The following INVS variants were observed in gnomAD, a reference collection of about 807,000 sequenced individuals.
The protein encoded by INVS is inversion of embryo turning homolog.
Under a neutral mutation model 108.8 loss-of-function variants are expected in INVS, and 86 were observed. That is an observed-to-expected ratio of 0.79 (90% CI 0.66 to 0.95). The LOEUF is 0.95. INVS is among the 40% of genes least tolerant of loss of function. The pLI, the probability that INVS is intolerant of heterozygous loss-of-function variation, is 0.00. For synonymous variants in INVS, 455 were observed against 473.5 expected, an observed-to-expected ratio of 0.96 and a Z score of 0.51; for missense variants, 1,169 against 1,297.4, an observed-to-expected ratio of 0.90 and a Z score of 1.52.
In INVS at chr9:100,100,675, CATATAATATATATATTAT is replaced by C. The variant is rs1564111341; in HGVS notation, c.-25+1264_-25+1281del. ...ATATAATATATATATTATATATGTA[CATATAATATATATATTAT>C]ATATGTACATATAATATATATATTA... On this transcript the variant is annotated intron_variant, in intron 1 of 16. Coordinates refer to ENST00000262457, the MANE Select transcript of INVS (RefSeq NM_014425.5). 5.1e-3 allele frequency among the ~76,000 whole-genome samples: 100 copies of C among 19,534 alleles called. 10 individuals are homozygous for C. Among genetic ancestry groups the C allele is most frequent in the African/African-American group, 0.038 (100 of 2,642 alleles). The allele number at this position is 19,534 out of a possible 152,430, so 12.8% of individuals were successfully genotyped here. A position where few individuals can be genotyped will look rare whatever the true frequency, so the allele number is the denominator to read the frequency against.
At chr9:100,131,653 G>T (rs1828058020) in intron 3 of INVS, among the ~76,000 whole-genome samples, 2 of 152,066 alleles carry the variant, frequency 1.3e-5, no homozygotes, top group Admixed American at 6.6e-5. Flanking sequence ...GGATAAAAAA[G>T]CTTTAGAAAT....
intron 2 of INVS, among the ~76,000 whole-genome samples, chr9:100,118,069 C>CTTTTTTTTTT (rs757283860): frequency 7.2e-6 from 1 of 138,024 alleles, no homozygotes. Context: ...CTTTTTTTTT[C>CTTTTTTTTTT]TTTTTTTTTT....
intron 12 of INVS, among the ~76,000 whole-genome samples, chr9:100,275,467 G>C (rs1833084750): frequency 6.6e-6 from 1 of 152,094 alleles, no homozygotes; most frequent in Non-Finnish European, 1.5e-5. Context: ...ATACTTAAGT[G>C]GTGGAGAAAC....
chr9:100,267,906 T>C (rs1832841355), intron 11 of INVS, among the ~76,000 whole-genome samples: 1 of 152,186 alleles, frequency 6.6e-6, no homozygotes, highest in South Asian at 2.1e-4. Context: ...TATGAAGTGG[T>C]CCTTAGATTT....
intron 3 of INVS, among the ~76,000 whole-genome samples, chr9:100,171,160 A>G (rs995500933): frequency 9.2e-5 from 14 of 152,170 alleles, no homozygotes; most frequent in African/African-American, 3.4e-4. Flanking sequence ...ATTTTGTTTA[A>G]CTTCAGACCA....
At chr9:100,267,399 A>G (rs2118642097) in intron 11 of INVS, among the ~76,000 whole-genome samples, 2 of 152,354 alleles carry the variant, frequency 1.3e-5, no homozygotes, top group South Asian at 4.1e-4. Flanking sequence ...AGAACTTGGC[A>G]CTGCCTTTTA....
chr9:100,126,411 T>C lies in INVS; in HGVS notation c.135T>C (p.Asp45=), dbSNP rs750390592. The change falls in exon 3 of 17, where the codon GAT becomes GAC. Residue 45 remains aspartate, a synonymous_variant. Transcript: ENST00000262457. ...VGNSALKDKE[D]QFGRTPLMYC... Reference sequence around the variant, plus strand: ...ACTCTGCTCTTAAAGACAAAGAAGATCAGTTTGGGAGAACACCACTTATGT... The same window carrying C: ...ACTCTGCTCTTAAAGACAAAGAAGACCAGTTTGGGAGAACACCACTTATGT... 2 of 1,613,970 alleles carry C rather than the reference T, an allele frequency of 1.2e-6. No homozygotes were observed. Among genetic ancestry groups the C allele is most frequent in the Non-Finnish European group, 1.7e-6 (2 of 1,179,936 alleles).
At chr9:100,216,019 C>G (rs924939981) in intron 3 of INVS, among the ~76,000 whole-genome samples, 1 of 152,112 alleles carries the variant, frequency 6.6e-6, no homozygotes, top group Non-Finnish European at 1.5e-5. Flanking sequence ...TCCCAGTGAC[C>G]AGGCAATACA....
At chr9:100,250,984 C>T (rs1205522573) in intron 8 of INVS, among the ~76,000 whole-genome samples, 2 of 152,152 alleles carry the variant, frequency 1.3e-5, no homozygotes, top group Non-Finnish European at 2.9e-5. Context: ...ACTAACTCTT[C>T]CCTTTGCTCA....
At chr9:100,232,115 A>G (rs944682599) in intron 5 of INVS, among the ~76,000 whole-genome samples, 7 of 151,868 alleles carry the variant, frequency 4.6e-5, no homozygotes, top group South Asian at 4.2e-4. Flanking sequence ...AGTGATGATG[A>G]GCTTTTTTTC....
At chr9:100,220,847 G>A (rs1164819094) in intron 3 of INVS, among the ~76,000 whole-genome samples, 1 of 151,992 alleles carries the variant, frequency 6.6e-6, no homozygotes, top group African/African-American at 2.4e-5. Context: ...TTGGTGGCAG[G>A]CACCTGTAAT....
intron 3 of INVS, among the ~76,000 whole-genome samples, chr9:100,158,868 C>T (rs931585842): frequency 2.6e-5 from 4 of 152,134 alleles, no homozygotes; most frequent in Admixed American, 1.3e-4. Flanking sequence ...AGTGAATTCT[C>T]GCTCTATTAG....
intron 3 of INVS, among the ~76,000 whole-genome samples, chr9:100,134,672 G>T (rs781022055): frequency 1.3e-5 from 2 of 152,088 alleles, no homozygotes; most frequent in Non-Finnish European, 2.9e-5. Flanking sequence ...TTGTGGTTTT[G>T]ATTTGCATTT....
At chr9:100,142,309 G>A (rs527898719) in intron 3 of INVS, among the ~76,000 whole-genome samples, 1 of 152,294 alleles carries the variant, frequency 6.6e-6, no homozygotes, top group South Asian at 2.1e-4. Flanking sequence ...CTTGGGTTAA[G>A]GCAACTAGTT....
rs1830384961 is a variant in INVS, at chr9:100,196,698, T to A, written c.274-29364T>A. On this transcript the variant is annotated intron_variant, in intron 3 of 16. Coordinates refer to ENST00000262457, the MANE Select transcript of INVS (RefSeq NM_014425.5). ...TTATGATAAAATTATTATAAAATATTATATATAATATATAAATATATTATT... is the reference window on the plus strand; with the variant it reads ...TTATGATAAAATTATTATAAAATATAATATATAATATATAAATATATTATT... Among the ~76,000 whole-genome samples, 5 of 147,908 alleles carry A rather than the reference T, an allele frequency of 3.4e-5. No individual in the cohort carries two copies. In the South Asian group the frequency reaches 1.0e-3, roughly 31 times the overall value.
At chr9:100,177,188 AC>A (rs1020324976) in intron 3 of INVS, among the ~76,000 whole-genome samples, 3 of 151,886 alleles carry the variant, frequency 2.0e-5, no homozygotes, top group Admixed American at 2.0e-4. Context: ...CAAGCAAAAA[AC>A]CGGGCGGCCA....
At chr9:100,100,725 C>CAT (rs371557613) in intron 1 of INVS, among the ~76,000 whole-genome samples, 5,479 of 7,366 alleles carry the variant, frequency 0.74, 2,130 homozygotes, top group Middle Eastern at 1. Context: ...ATTATATGTA[C>CAT]ATATAATATA....
At chr9:100,177,680 G>A (rs920876816) in intron 3 of INVS, among the ~76,000 whole-genome samples, 2 of 152,234 alleles carry the variant, frequency 1.3e-5, no homozygotes, top group Middle Eastern at 3.2e-3. Context: ...CCTGAGGGAA[G>A]GGGCAGCTGT....
chr9:100,154,519 TTC>T (rs1464839255), intron 3 of INVS, among the ~76,000 whole-genome samples: 1 of 151,728 alleles, frequency 6.6e-6, no homozygotes, highest in African/African-American at 2.4e-5. Flanking sequence ...AAAGAGTATA[TTC>T]ACACAATGGA....
Sources: gnomAD v4.1 joint callset for allele counts (sites outside exome capture counted in the v4.1 genomes callset) on GRCh38, gnomAD v4.1.1 for gene constraint, MANE v1.5 for transcripts, NCBI Gene and HGNC (gene_info 2026-07-23, HGNC 2026-07-21) for gene names.